The following GSAP variants were observed in gnomAD, a reference collection of about 807,000 sequenced individuals.
The protein encoded by GSAP is gamma-secretase-activating protein.
A neutral mutation model predicts 131.7 loss-of-function variants in GSAP; 118 were observed. The ratio of observed to expected loss-of-function variants is 0.90; its 90% CI spans 0.77 to 1.04. GSAP has a LOEUF of 1.04. Ranked by LOEUF, GSAP falls within the 50% of genes least tolerant of loss-of-function variation. The pLI, the probability that GSAP is intolerant of heterozygous loss-of-function variation, is 0.00. For missense variants in GSAP, 1,019 were observed against 1,013.2 expected (o/e 1.01, Z -0.08); for synonymous variants, 381 against 363.4 (o/e 1.05, Z -0.55).
intron 6 of GSAP, among the ~76,000 whole-genome samples, chr7:77,383,360 G>A (rs764009496): frequency 5.3e-5 from 8 of 151,376 alleles, no homozygotes; most frequent in African/African-American, 9.7e-5. Context: ...CGATATAGTC[G>A]TTGTGCAACT....
intron 28 of GSAP, 31 bp from the exon 29 acceptor site, chr7:77,312,233 A>ATG: frequency 2.2e-6 from 2 of 928,470 alleles, no homozygotes; most frequent in Non-Finnish European, 3.1e-6. Flanking sequence ...AATGTAGCGA[A>ATG]TACCACACAC....
intron 12 of GSAP, among the ~76,000 whole-genome samples, chr7:77,368,841 G>T (rs1795706250): frequency 6.6e-6 from 1 of 152,156 alleles, no homozygotes; most frequent in Admixed American, 6.5e-5. Flanking sequence ...GTTATATCTG[G>T]CTATAAAGGT....
At chr7:77,351,745 C>G in intron 18 of GSAP, 1 of 984,540 alleles carries the variant, frequency 1.0e-6, no homozygotes, top group Non-Finnish European at 1.2e-6. Context: ...CACACCACAT[C>G]CAATTAACAT....
chr7:77,408,689 CAAAAAAAAAAAAAA>C (rs749202124), intron 1 of GSAP, among the ~76,000 whole-genome samples: 1 of 67,054 alleles, frequency 1.5e-5, no homozygotes, highest in South Asian at 5.3e-4. Context: ...ACTCTGCCTC[CAAAAAAAAAAAAAA>C]AAAAAAAAAA....
At chr7:77,364,508 T>C (rs1016571662) in intron 12 of GSAP, among the ~76,000 whole-genome samples, 10 of 115,792 alleles carry the variant, frequency 8.6e-5, no homozygotes, top group Admixed American at 2.3e-4. Flanking sequence ...AACATCACAC[T>C]CTGGGGACTG....
chr7:77,370,255 C>T (rs547913751), intron 12 of GSAP, among the ~76,000 whole-genome samples: 16 of 152,004 alleles, frequency 1.1e-4, no homozygotes, highest in Middle Eastern at 3.4e-3. Flanking sequence ...GTCAGGAGTT[C>T]GAGACCAGCG....
At chr7:77,353,857 T>A (rs1653598419) in intron 16 of GSAP, among the ~76,000 whole-genome samples, 1 of 152,220 alleles carries the variant, frequency 6.6e-6, no homozygotes, top group African/African-American at 2.4e-5. Flanking sequence ...TACATCTTTT[T>A]AATAAATCTC....
intron 19 of GSAP, among the ~76,000 whole-genome samples, chr7:77,338,659 T>TG (rs1220354950): frequency 1.3e-5 from 2 of 152,180 alleles, no homozygotes; most frequent in Non-Finnish European, 2.9e-5. Context: ...GTTGGCTCTG[T>TG]GGGGTCTCTT....
rs181574090 is a variant in GSAP at position 77,400,592 on chromosome 7, G to A, written c.244-3177C>T. Among the ~76,000 whole-genome samples the A allele has an allele frequency of 3.3e-5, 5 of 152,208 alleles. No individual in the cohort carries two copies. The East Asian group carries it at 5.8e-4, about 18-fold the overall frequency. On this transcript the variant is annotated intron_variant, in intron 3 of 30. Coordinates refer to ENST00000257626, the MANE Select transcript of GSAP (RefSeq NM_017439.4). ...AGTAGTAGGTTGTACCACCAACCCCGCTAATTCCCCAACAGGTAAATTATC... is the reference window on the plus strand; with the variant it reads ...AGTAGTAGGTTGTACCACCAACCCCACTAATTCCCCAACAGGTAAATTATC...
chr7:77,313,948 A>C (rs1794691934), intron 27 of GSAP, among the ~76,000 whole-genome samples: 1 of 152,222 alleles, frequency 6.6e-6, no homozygotes, highest in African/African-American at 2.4e-5. Context: ...GACAGAGTTA[A>C]TCAGCTGAAA....
intron 10 of GSAP, among the ~76,000 whole-genome samples, chr7:77,376,201 G>T (rs1479417171): frequency 1.3e-5 from 2 of 152,086 alleles, no homozygotes; most frequent in Admixed American, 1.3e-4. Context: ...AAAAGTAACT[G>T]CAGTTCTTGC....
chr7:77,414,884 G>A (rs71573349), intron 1 of GSAP, among the ~76,000 whole-genome samples: 1 of 80,814 alleles, frequency 1.2e-5, no homozygotes, highest in Non-Finnish European at 2.1e-5. Flanking sequence ...TTGAGACGGA[G>A]ACTTACTCTG....
chr7:77,376,749 G>A (rs1047728506), intron 10 of GSAP, 99 bp downstream of exon 10: 31 of 644,338 alleles, frequency 4.8e-5, no homozygotes, highest in Non-Finnish European at 7.0e-5. Context: ...TGCACCCAGC[G>A]TGTGCGACAG....
intron 24 of GSAP, 109 bp from the exon 25 acceptor site, chr7:77,321,512 G>A: frequency 1.4e-6 from 1 of 724,818 alleles, no homozygotes; most frequent in African/African-American, 1.8e-5. Context: ...TGGCATTCAG[G>A]CTGCATCCAG....
At chr7:77,322,664 G>C (rs1334046677) in intron 24 of GSAP, among the ~76,000 whole-genome samples, 1 of 148,432 alleles carries the variant, frequency 6.7e-6, no homozygotes, top group Non-Finnish European at 1.5e-5. Flanking sequence ...TGAGTTCCTT[G>C]GTACAGTGCT....
chr7:77,411,954 C>T (rs61438473), intron 1 of GSAP, among the ~76,000 whole-genome samples: 4 of 152,130 alleles, frequency 2.6e-5, no homozygotes, highest in South Asian at 2.1e-4. Flanking sequence ...CGAGGTAGGC[C>T]GATCACCTGA....
intron 20 of GSAP, 33 bp downstream of exon 20, chr7:77,330,206 C>A (rs1256636737): frequency 1.3e-6 from 2 of 1,588,574 alleles, no homozygotes; most frequent in Non-Finnish European, 1.7e-6. Context: ...CTATGCCTCG[C>A]TGCTGGCTTT....
rs56314229 is a variant in GSAP, at chr7:77,377,400, C to CAAAAA, written c.577-15_577-11dup. 71 of 1,184,514 alleles carry CAAAAA rather than the reference C, an allele frequency of 6.0e-5. No individual in the cohort carries two copies. In the East Asian group the frequency reaches 6.3e-4, roughly 10 times the overall value. The allele number at this position is 1,184,514 out of a possible 1,614,324, so 73.4% of individuals were successfully genotyped here. ...CAGAATTTTTAATCACCTAAAAATG[C>CAAAAA]AAAAAAAAAAAAAAAAAAAAAAGTA... On this transcript the variant is annotated splice_polypyrimidine_tract_variant and intron_variant, in intron 8 of 30. Transcript: ENST00000257626.
intron 22 of GSAP, chr7:77,328,200 G>A (rs1562909965): frequency 1.0e-6 from 1 of 1,000,400 alleles, no homozygotes; most frequent in Non-Finnish European, 1.2e-6. Flanking sequence ...TCTAGGACCT[G>A]TGTGCCCAAT....
Sources: allele counts gnomAD v4.1 joint callset (sites outside exome capture counted in the v4.1 genomes callset), GRCh38; gene constraint gnomAD v4.1.1; transcripts MANE v1.5; gene names NCBI Gene and HGNC (gene_info 2026-07-23, HGNC 2026-07-21).